Variants in ASCC3 observed in about 807,000 individuals in gnomAD.
ASCC3 encodes the protein ASC-1 complex subunit P200.
In ASCC3, 158 loss-of-function variants were observed where a neutral mutation model predicts 256.3. That is an observed-to-expected ratio of 0.62 (90% CI 0.54 to 0.70). The LOEUF is 0.70. Among genes scored for constraint, ASCC3 ranks in the 30% least tolerant of loss-of-function variants. The pLI, the probability that ASCC3 is intolerant of heterozygous loss-of-function variation, is 0.00. For missense variants in ASCC3, 2,259 were observed against 2,626.0 expected, an observed-to-expected ratio of 0.86 and a Z score of 3.05; for synonymous variants, 948 against 883.4, an observed-to-expected ratio of 1.07 and a Z score of -1.30.
chr6:100,865,147 T>C lies in ASCC3; in HGVS notation c.91-933A>G, dbSNP rs964931917. Among the ~76,000 whole-genome samples the C allele has an allele frequency of 7.9e-5, 12 of 152,282 alleles. No homozygotes were observed. The East Asian group carries it at 1.4e-3, about 17-fold the overall frequency. On this transcript the variant is annotated intron_variant, in intron 2 of 41. Coordinates refer to ENST00000369162, the MANE Select transcript of ASCC3 (RefSeq NM_006828.4). ...GGGCAAAGGTAGAGATGAAATAAGA[T>C]TGGCCATAAAATGAATTAAGTTGTT...
At chr6:100,789,686 A>T (rs73760717) in intron 8 of ASCC3, among the ~76,000 whole-genome samples, 1,904 of 152,092 alleles carry the variant, frequency 0.013, 44 homozygotes, top group African/African-American at 0.045. Context: ...AGGTCCCTAT[A>T]AGAAAAATAT....
intron 1 of ASCC3, among the ~76,000 whole-genome samples, chr6:100,878,571 G>A (rs697437): frequency 8.9e-4 from 136 of 152,278 alleles, no homozygotes; most frequent in African/African-American, 3.1e-3. Context: ...AGAAAACGTG[G>A]AACAGACCCA....
At chr6:100,542,895 A>C (rs1014379415) in intron 36 of ASCC3, among the ~76,000 whole-genome samples, 14 of 152,240 alleles carry the variant, frequency 9.2e-5, no homozygotes, top group Admixed American at 5.9e-4. Flanking sequence ...AAGAGCACTA[A>C]AAGTGGTAAT....
chr6:100,628,371 CAT>C (rs1206202318), intron 27 of ASCC3, among the ~76,000 whole-genome samples: 1 of 152,098 alleles, frequency 6.6e-6, no homozygotes, highest in Non-Finnish European at 1.5e-5. Flanking sequence ...AAAAATATAT[CAT>C]ATATTTCAAA....
At chr6:100,671,689 T>TC (rs1412150165) in intron 14 of ASCC3, among the ~76,000 whole-genome samples, 2 of 151,964 alleles carry the variant, frequency 1.3e-5, no homozygotes, top group African/African-American at 4.8e-5. Flanking sequence ...TATATTCCTT[T>TC]CCCCCAGTGA....
intron 8 of ASCC3, among the ~76,000 whole-genome samples, chr6:100,776,614 T>C (rs1005297073): frequency 6.6e-6 from 1 of 152,096 alleles, no homozygotes; most frequent in East Asian, 1.9e-4. Flanking sequence ...ATTTATTAAA[T>C]ACTGGTAATA....
At chr6:100,591,747 TA>T (rs1772008331) in intron 34 of ASCC3, among the ~76,000 whole-genome samples, 1 of 152,044 alleles carries the variant, frequency 6.6e-6, no homozygotes, top group Non-Finnish European at 1.5e-5. Context: ...ATACTATTTT[TA>T]TCTATCCATT....
chr6:100,597,359 A>G (rs1772353061), intron 34 of ASCC3, among the ~76,000 whole-genome samples: 1 of 152,120 alleles, frequency 6.6e-6, no homozygotes, highest in Non-Finnish European at 1.5e-5. Flanking sequence ...TACTCAATAA[A>G]TGTTTACAGA....
intron 16 of ASCC3, among the ~76,000 whole-genome samples, chr6:100,656,639 A>AC (rs1491514228): frequency 3.3e-5 from 5 of 151,568 alleles, no homozygotes; most frequent in African/African-American, 4.8e-5. Flanking sequence ...TAATTTAAAA[A>AC]CACAACAATA....
chr6:100,652,419 GA>G (rs1775716929), intron 18 of ASCC3, among the ~76,000 whole-genome samples: 1 of 152,120 alleles, frequency 6.6e-6, no homozygotes, highest in African/African-American at 2.4e-5. Flanking sequence ...AAAGACGGGG[GA>G]AAGTTAGTAA....
chr6:100,509,858 A>T, intron 41 of ASCC3, 74 bp downstream of exon 41: 1 of 1,474,330 alleles, frequency 6.8e-7, no homozygotes, highest in Non-Finnish European at 9.4e-7. Flanking sequence ...ACTGCACTCC[A>T]GCCTGGGCGA....
chr6:100,744,061 A>G (rs556420653), intron 10 of ASCC3, among the ~76,000 whole-genome samples: 4 of 152,330 alleles, frequency 2.6e-5, no homozygotes, highest in Non-Finnish European at 4.4e-5. Context: ...TACTTTATCA[A>G]GCTACATAAA....
At chr6:100,717,719 T>C (rs911752235) in intron 12 of ASCC3, among the ~76,000 whole-genome samples, 79 of 152,094 alleles carry the variant, frequency 5.2e-4, no homozygotes, top group Non-Finnish European at 1.0e-4. Flanking sequence ...TCACAATATA[T>C]ATTACTTGTT....
chr6:100,776,108 G>A (rs1360427783), intron 8 of ASCC3, among the ~76,000 whole-genome samples: 1 of 151,948 alleles, frequency 6.6e-6, no homozygotes, highest in Non-Finnish European at 1.5e-5. Flanking sequence ...TATATTTCCT[G>A]CACACACAAT....
chr6:100,825,079 TAAG>T (rs1187155939), intron 4 of ASCC3, among the ~76,000 whole-genome samples: 1 of 152,164 alleles, frequency 6.6e-6, no homozygotes, highest in African/African-American at 2.4e-5. Context: ...CTATACTGTT[TAAG>T]AAGACTACAA....
intron 10 of ASCC3, among the ~76,000 whole-genome samples, chr6:100,738,272 T>C (rs971766425): frequency 6.6e-6 from 1 of 152,216 alleles, no homozygotes; most frequent in African/African-American, 2.4e-5. Context: ...CTTTTGGCAT[T>C]TTTGTCATGA....
At chr6:100,669,897 A>T (rs1776656361) in intron 14 of ASCC3, among the ~76,000 whole-genome samples, 1 of 151,898 alleles carries the variant, frequency 6.6e-6, no homozygotes, top group African/African-American at 2.4e-5. Context: ...TTAATAATAA[A>T]AATAAAATAT....
At chr6:100,686,301 G>C (rs1777562601) in intron 13 of ASCC3, among the ~76,000 whole-genome samples, 1 of 152,154 alleles carries the variant, frequency 6.6e-6, no homozygotes, top group East Asian at 1.9e-4. Flanking sequence ...TTTTTTGATA[G>C]GGTAATATAT....
chr6:100,726,869 C>T (rs946254098), intron 10 of ASCC3, among the ~76,000 whole-genome samples: 3 of 152,036 alleles, frequency 2.0e-5, no homozygotes, highest in African/African-American at 7.2e-5. Flanking sequence ...AGTACATGTA[C>T]TTAATCCCTT....
Sources: allele counts gnomAD v4.1 joint callset (sites outside exome capture counted in the v4.1 genomes callset), GRCh38; gene constraint gnomAD v4.1.1; transcripts MANE v1.5; gene names NCBI Gene and HGNC (gene_info 2026-07-23, HGNC 2026-07-21).